The following BCR variants were observed in gnomAD, a reference collection of about 807,000 sequenced individuals.
BCR encodes BCR activator of RhoGEF and GTPase.
Under a neutral mutation model 138.6 loss-of-function variants are expected in BCR, and 58 were observed. The observed-to-expected ratio is 0.42, with a 90% CI of 0.34 to 0.52. BCR has a LOEUF of 0.52. BCR is among the 20% of genes least tolerant of loss of function. The pLI is 0.06. For missense variants in BCR, 1,599 were observed against 1,727.2 expected, an observed-to-expected ratio of 0.93 and a Z score of 1.32; for synonymous variants, 786 against 730.1, an observed-to-expected ratio of 1.08 and a Z score of -1.23.
intron 1 of BCR, among the ~76,000 whole-genome samples, chr22:23,246,248 G>A (rs1411670119): frequency 6.6e-6 from 1 of 151,992 alleles, no homozygotes; most frequent in African/African-American, 2.4e-5. Context: ...AACATAGCGA[G>A]ACCCCTGTCT....
chr22:23,240,987 C>T (rs2073083907), intron 1 of BCR, among the ~76,000 whole-genome samples: 1 of 152,226 alleles, frequency 6.6e-6, no homozygotes, highest in South Asian at 2.1e-4. Flanking sequence ...CAAGGCCTAT[C>T]TCAGTCAGCG....
chr22:23,290,244 G>A, intron 13 of BCR, 95 bp from the exon 14 acceptor site: 1 of 1,258,292 alleles, frequency 7.9e-7, no homozygotes, highest in Non-Finnish European at 1.2e-6. Flanking sequence ...GCCACACAGT[G>A]TCCACCGGAT....
At chr22:23,273,816 G>A (rs1211232922) in intron 8 of BCR, 42 bp downstream of exon 8, 1 of 1,609,862 alleles carries the variant, frequency 6.2e-7, no homozygotes, top group Admixed American at 1.7e-5. Context: ...CCATCCTGCT[G>A]AGCTGGGGGC....
intron 4 of BCR, chr22:23,263,261 C>A: frequency 9.2e-7 from 1 of 1,085,690 alleles, no homozygotes; most frequent in Non-Finnish European, 1.4e-6. Flanking sequence ...CCTACCTCGA[C>A]ATGCGGGCCC....
intron 2 of BCR, among the ~76,000 whole-genome samples, chr22:23,256,720 C>T (rs974500354): frequency 3.3e-5 from 5 of 152,144 alleles, no homozygotes; most frequent in Non-Finnish European, 7.4e-5. Flanking sequence ...TAGAAGGGGC[C>T]TCTTTGCACT....
chr22:23,306,903 A>C (rs1375295835), intron 16 of BCR: 1 of 152,650 alleles, frequency 6.6e-6, no homozygotes, highest in Non-Finnish European at 1.5e-5. Context: ...CCGTGGTTCC[A>C]GGGGGGCTTT....
chr22:23,208,085 G>A (rs963621361), intron 1 of BCR, among the ~76,000 whole-genome samples: 4 of 152,210 alleles, frequency 2.6e-5, no homozygotes, highest in Admixed American at 2.0e-4. Flanking sequence ...GATGTTTTGT[G>A]TCTGTGCAAA....
intron 2 of BCR, among the ~76,000 whole-genome samples, chr22:23,255,852 C>T (rs371719211): frequency 2.6e-5 from 4 of 152,222 alleles, no homozygotes; most frequent in Non-Finnish European, 4.4e-5. Flanking sequence ...GGAGGTTGCA[C>T]GTCTCTGCCT....
At chr22:23,261,165 G>A (rs922893918) in intron 3 of BCR, 111 bp downstream of exon 3, 49 of 1,269,558 alleles carry the variant, frequency 3.9e-5, no homozygotes, top group South Asian at 1.3e-5. Flanking sequence ...GGTGCAGCTC[G>A]CCATCCCTGG....
In BCR at chr22:23,288,089, C is replaced by T. The variant is rs1176490601; in HGVS notation, c.2527-8C>T. The stretch of plus-strand genomic sequence containing the variant: ...GATAACTGGGTGTGTTCTTCTTGCC[C>T]ACCCTAGAGTTACACGTTCCTGATC... On this transcript the variant is annotated splice_region_variant and splice_polypyrimidine_tract_variant and intron_variant, in intron 11 of 22. Transcript: ENST00000305877. The T allele has an allele frequency of 5.6e-6, 9 of 1,613,684 alleles. No individual in the cohort carries two copies. The highest frequency in any genetic ancestry group is 1.3e-5 in the African/African-American group (1 of 74,906).
intron 8 of BCR, among the ~76,000 whole-genome samples, chr22:23,275,493 C>T (rs935412972): frequency 5.3e-5 from 8 of 152,200 alleles, no homozygotes; most frequent in Admixed American, 4.6e-4. Flanking sequence ...GGAAGTGGGT[C>T]CCCGGCACCT....
intron 8 of BCR, among the ~76,000 whole-genome samples, chr22:23,274,077 T>C (rs2073542657): frequency 6.6e-6 from 1 of 152,152 alleles, no homozygotes. Context: ...CCCCACAGTC[T>C]TGCCAGCTCA....
chr22:23,315,804 CAG>C lies in BCR; in HGVS notation c.*283_*284del, dbSNP rs1177345779. ...GGAGTCCAGGCCTGGCCCTGGGAGACAGGGTGAAGGGAGTGGTTTTTATGAAC... is the reference window on the plus strand; with the variant it reads ...GGAGTCCAGGCCTGGCCCTGGGAGACGGTGAAGGGAGTGGTTTTTATGAAC... On this transcript the variant is annotated 3_prime_UTR_variant, in exon 23 of 23. Transcript: ENST00000305877. The C allele has an allele frequency of 1.9e-6, 1 of 520,294 alleles. No individual in the cohort carries two copies. Among genetic ancestry groups the C allele is most frequent in the Non-Finnish European group, 3.6e-6 (1 of 280,738 alleles). The allele number at this position is 520,294 out of a possible 1,614,324, so 32.2% of individuals were successfully genotyped here.
At chr22:23,262,619 TG>T in intron 4 of BCR, 1 of 230,308 alleles carries the variant, frequency 4.3e-6, no homozygotes, top group Non-Finnish European at 7.2e-6. Context: ...TGGCTCGGGC[TG>T]GGCTCCGCGT....
At chr22:23,306,917 G>A (rs2073958609) in intron 16 of BCR, 1 of 152,582 alleles carries the variant, frequency 6.6e-6, no homozygotes, top group Non-Finnish European at 1.5e-5. Context: ...GGGCTTTGAG[G>A]GGCAGCCGCT....
rs191424882 is a variant in BCR, at chr22:23,199,959, G to A, written c.1279+17720G>A. Among the ~76,000 whole-genome samples, 13 of 152,164 alleles carry A rather than the reference G, an allele frequency of 8.5e-5. No individual in the cohort carries two copies. In the East Asian group the frequency reaches 2.1e-3, roughly 25 times the overall value. Reference sequence around the variant, plus strand: ...AAAAATTAGCCGGGCGTGGTGGCGGGCGCCTGTAGTCCCAGCCACTCAGGA... The same window carrying A: ...AAAAATTAGCCGGGCGTGGTGGCGGACGCCTGTAGTCCCAGCCACTCAGGA... On this transcript the variant is annotated intron_variant, in intron 1 of 22. Coordinates refer to ENST00000305877, the MANE Select transcript of BCR (RefSeq NM_004327.4).
At chr22:23,220,210 C>T (rs1464980843) in intron 1 of BCR, among the ~76,000 whole-genome samples, 1 of 152,212 alleles carries the variant, frequency 6.6e-6, no homozygotes, top group Non-Finnish European at 1.5e-5. Flanking sequence ...CAGGATCTAC[C>T]TCCCTCTGTC....
intron 1 of BCR, among the ~76,000 whole-genome samples, chr22:23,242,510 C>A (rs1292112950): frequency 6.6e-6 from 1 of 152,202 alleles, no homozygotes; most frequent in Non-Finnish European, 1.5e-5. Flanking sequence ...GCACGTCCTT[C>A]ACTCTTTCCC....
At chr22:23,224,437 A>G (rs1033551842) in intron 1 of BCR, among the ~76,000 whole-genome samples, 1 of 152,182 alleles carries the variant, frequency 6.6e-6, no homozygotes, top group Non-Finnish European at 1.5e-5. Flanking sequence ...GAGCCATCTC[A>G]AAGTGAGGTG....
Sources: allele counts gnomAD v4.1 joint callset (sites outside exome capture counted in the v4.1 genomes callset), GRCh38; gene constraint gnomAD v4.1.1; transcripts MANE v1.5; gene names NCBI Gene and HGNC (gene_info 2026-07-23, HGNC 2026-07-21).